Variants in RASEF observed in about 807,000 individuals in gnomAD.
The protein encoded by RASEF is ras and EF-hand domain-containing protein.
In RASEF, 68 loss-of-function variants were observed where a neutral mutation model predicts 90.1. The ratio of observed to expected loss-of-function variants is 0.75; its 90% confidence interval spans 0.62 to 0.92. The LOEUF (loss-of-function observed/expected upper bound fraction) is 0.92. RASEF is among the 40% of genes least tolerant of loss of function. The probability of loss-of-function intolerance (pLI) is 0.00; values close to 1 mark genes in which losing one functional copy is unlikely to be tolerated. For missense variants in RASEF, 949 were observed against 937.2 expected (o/e 1.01, Z -0.16); for synonymous variants, 331 against 345.2 (o/e 0.96, Z 0.46).
the RASEF span, among the ~76,000 whole-genome samples, chr9:83,174,588 A>AC: frequency 6.6e-6 from 1 of 152,000 alleles, no homozygotes. Context: ...GAGTTCTCCA[A>AC]CTTTGTTATT....
At chr9:83,183,211 A>AAT in the RASEF span, among the ~76,000 whole-genome samples, 2 of 151,776 alleles carry the variant, frequency 1.3e-5, no homozygotes, top group Admixed American at 6.6e-5. Flanking sequence ...AAAGAAAAAA[A>AAT]CATAAAAGGA....
the RASEF span, among the ~76,000 whole-genome samples, chr9:83,097,584 G>A: frequency 6.6e-6 from 1 of 152,148 alleles, no homozygotes; most frequent in African/African-American, 2.4e-5. Flanking sequence ...ATCAACAAGT[G>A]GGCGAAGGAC....
intron 1 of RASEF, among the ~76,000 whole-genome samples, chr9:83,042,175 T>C (rs73469499): frequency 0.029 from 4,433 of 152,182 alleles, 197 homozygotes; most frequent in African/African-American, 0.1. Context: ...GGCAGCAAAA[T>C]GAATACAAAA....
chr9:83,042,498 C>A (rs1054558980), intron 1 of RASEF, among the ~76,000 whole-genome samples: 1 of 152,166 alleles, frequency 6.6e-6, no homozygotes, highest in African/African-American at 2.4e-5. Flanking sequence ...AATATAACTC[C>A]ATGTTTTGTG....
chr9:83,183,393 T>C, the RASEF span, among the ~76,000 whole-genome samples: 1 of 152,138 alleles, frequency 6.6e-6, no homozygotes, highest in African/African-American at 2.4e-5. Context: ...CTTTGAACAA[T>C]GTAGTATTTT....
intron 9 of RASEF, 132 bp from the exon 10 acceptor site, chr9:83,001,262 A>G (rs1829035076): frequency 1.6e-6 from 1 of 621,596 alleles, no homozygotes; most frequent in African/African-American, 1.8e-5. Context: ...TTATTTCATG[A>G]TTAGGCATTA....
upstream of RASEF, among the ~76,000 whole-genome samples, chr9:83,068,150 G>A (rs1830297415): frequency 6.6e-6 from 1 of 152,182 alleles, no homozygotes; most frequent in Middle Eastern, 3.2e-3. Flanking sequence ...AAGATTACAG[G>A]CGTGAGCCGC....
At chr9:83,011,840 C>G (rs1829252570) in intron 5 of RASEF, among the ~76,000 whole-genome samples, 1 of 152,060 alleles carries the variant, frequency 6.6e-6, no homozygotes, top group Non-Finnish European at 1.5e-5. Context: ...AAGCTGGGAA[C>G]CTTCTAAGTG....
chr9:83,067,943 A>T (rs1290075824), upstream of RASEF, among the ~76,000 whole-genome samples: 8 of 152,180 alleles, frequency 5.3e-5, no homozygotes, highest in African/African-American at 1.9e-4. Context: ...TGGTGTGATC[A>T]TGGCTCACTG....
At chr9:83,135,666 G>T in the RASEF span, among the ~76,000 whole-genome samples, 3 of 152,224 alleles carry the variant, frequency 2.0e-5, no homozygotes, top group South Asian at 6.2e-4. Flanking sequence ...TCTACTGATG[G>T]ATAATCACCA....
the RASEF span, among the ~76,000 whole-genome samples, chr9:83,100,233 T>C: frequency 6.6e-6 from 1 of 152,216 alleles, no homozygotes; most frequent in Non-Finnish European, 1.5e-5. Context: ...AATAACTTCT[T>C]TCAAGTATAT....
At chr9:83,135,837 T>C in the RASEF span, among the ~76,000 whole-genome samples, 7 of 152,122 alleles carry the variant, frequency 4.6e-5, no homozygotes, top group African/African-American at 1.7e-4. Flanking sequence ...AAGGATTTCT[T>C]CAAAAGAATT....
the RASEF span, among the ~76,000 whole-genome samples, chr9:83,125,091 T>C: frequency 3.3e-5 from 5 of 152,014 alleles, no homozygotes; most frequent in Middle Eastern, 3.4e-3. Flanking sequence ...ACAAATAAGG[T>C]GTTTTGTTTT....
the RASEF span, among the ~76,000 whole-genome samples, chr9:83,212,693 G>T: frequency 6.6e-6 from 1 of 152,164 alleles, no homozygotes; most frequent in Admixed American, 6.5e-5. Context: ...CCTCTGCAGG[G>T]TGCAGTCTGT....
At chr9:83,194,467 G>A in the RASEF span, among the ~76,000 whole-genome samples, 7 of 152,118 alleles carry the variant, frequency 4.6e-5, no homozygotes, top group African/African-American at 7.2e-5. Context: ...AACATGACTC[G>A]TCACAGATGA....
the RASEF span, among the ~76,000 whole-genome samples, chr9:83,218,074 CA>C: frequency 3.7e-4 from 57 of 152,188 alleles, no homozygotes; most frequent in African/African-American, 1.1e-3. Flanking sequence ...ACTACAGTGA[CA>C]GGGGAGGGGG....
chr9:83,097,537 T>G, the RASEF span, among the ~76,000 whole-genome samples: 1 of 152,148 alleles, frequency 6.6e-6, no homozygotes, highest in African/African-American at 2.4e-5. Flanking sequence ...AATTTACAAT[T>G]AACTCAAACA....
At chr9:83,162,954 TG>T in the RASEF span, among the ~76,000 whole-genome samples, 1 of 152,226 alleles carries the variant, frequency 6.6e-6, no homozygotes, top group African/African-American at 2.4e-5. Flanking sequence ...AATACCCTTG[TG>T]CTTCAATTAG....
At position 83,046,279 on chromosome 9, in the gene RASEF, G is replaced by T. The variant is rs560074480; in HGVS notation, c.431+16158C>A. 2.2e-4 allele frequency among the ~76,000 whole-genome samples: 33 copies of T among 152,068 alleles called. No homozygotes were observed. In the South Asian group the frequency reaches 6.8e-3, roughly 32 times the overall value. The stretch of plus-strand genomic sequence containing the variant: ...TATTTCTATGTCTATTAAGAATCTC[G>T]CATGACTTTTTTTACTGTGCTAGTA... On this transcript the variant is annotated intron_variant, in intron 1 of 16. Transcript: ENST00000376447.
Sources: gnomAD v4.1 joint callset for allele counts (sites outside exome capture counted in the v4.1 genomes callset) on GRCh38, gnomAD v4.1.1 for gene constraint, MANE v1.5 for transcripts, NCBI Gene and HGNC (gene_info 2026-07-23, HGNC 2026-07-21) for gene names.